Variants in PSG9 observed in about 807,000 individuals in gnomAD.
PSG9 encodes the protein pregnancy specific beta-1-glycoprotein 9.
In PSG9, 49 loss-of-function variants were observed where a neutral mutation model predicts 41.9. The observed-to-expected ratio is 1.17, with a 90% CI of 0.93 to 1.48. The LOEUF is 1.48. Ranked by LOEUF, PSG9 falls within the 40% of genes most tolerant of loss-of-function variation. The pLI is 0.00. For synonymous variants in PSG9, 263 were observed against 196.8 expected (o/e 1.34, Z -2.82); for missense variants, 641 against 520.3 (o/e 1.23, Z -2.26).
Position 43,259,007 on chromosome 19 carries a change from G to C in PSG9, c.838C>G (p.Leu280Val). 1.9e-6 allele frequency: 3 copies of C among 1,590,746 alleles called. 1 individual carries two copies. Among genetic ancestry groups the C allele is most frequent in the Non-Finnish European group, 2.6e-6 (3 of 1,174,478 alleles). The change falls in exon 4 of 6, where the codon CTC (leucine) becomes GTC (valine). Residue 280 changes from leucine to valine, a missense_variant. Leu to Val is a conservative substitution (Grantham distance 32, BLOSUM62 1). Coordinates refer to ENST00000270077, the MANE Select transcript of PSG9 (RefSeq NM_002784.5). ...CGCTTTACCCCGGGACTGACGGGGAGGCTCTGACCGTTTAGCCACCAAATG... is the reference window on the plus strand; with the variant it reads ...CGCTTTACCCCGGGACTGACGGGGACGCTCTGACCGTTTAGCCACCAAATG... ...TYIWWLNGQS[L>V]PVSPGVKRPI...
intron 2 of PSG9, among the ~76,000 whole-genome samples, chr19:43,264,788 G>T (rs760103976): frequency 6.6e-6 from 1 of 152,154 alleles, no homozygotes; most frequent in Non-Finnish European, 1.5e-5. Flanking sequence ...TGACTTTTGA[G>T]ATTGTTCAGC....
At chr19:43,262,466 G>C (rs542146910) in intron 2 of PSG9, among the ~76,000 whole-genome samples, 1 of 152,244 alleles carries the variant, frequency 6.6e-6, no homozygotes, top group East Asian at 1.9e-4. Flanking sequence ...GGCCCAACTT[G>C]TGGTCCTCAC....
intron 2 of PSG9, among the ~76,000 whole-genome samples, chr19:43,264,030 C>T (rs7247607): frequency 0.5 from 75,870 of 151,982 alleles, 21,269 homozygotes; most frequent in East Asian, 0.96. Context: ...AAATTTAAGT[C>T]TGTGTGAATC....
chr19:43,263,667 T>G (rs1442242050), intron 2 of PSG9, among the ~76,000 whole-genome samples: 1 of 152,068 alleles, frequency 6.6e-6, no homozygotes, highest in Non-Finnish European at 1.5e-5. Flanking sequence ...TCCAAACATC[T>G]AAGATCAATT....
chr19:43,266,004 A>T (rs1394439281), intron 2 of PSG9, among the ~76,000 whole-genome samples: 3 of 151,760 alleles, frequency 2.0e-5, no homozygotes, highest in African/African-American at 7.3e-5. Flanking sequence ...AGTTAGAGGG[A>T]ATGTCTGGGG....
In PSG9 at chr19:43,262,122, G is replaced by T. The variant is rs1374492189; in HGVS notation, c.447C>A (p.Pro149=). The T allele has an allele frequency of 6.2e-7, 1 of 1,613,556 alleles. No homozygotes were observed. Among genetic ancestry groups the T allele is most frequent in the African/African-American group, 1.3e-5 (1 of 74,866 alleles). ...TFTLYLETPK[P]YISSSNLNPR... ...GGTTTAAGTTGCTGCTGGAGATGTA[G>T]GGCTTGGGAGTCTCCACTGTGCAGA... Residue 149 remains proline (P), a synonymous_variant, in exon 3 of 6, where the codon CCC becomes CCA. Transcript: ENST00000270077.
Position 43,268,029 on chromosome 19 carries a change from A to G in PSG9, c.185T>C (p.Leu62Pro). ...CCCTTTGTACCAGAAGTAGCCAGGA[A>G]GATTCTGGGGCAAATTGTGGACAAG... ...LLLVHNLPQN[L>P]PGYFWYKGEM... is the part of the protein sequence containing the mutation. The change falls in exon 2 of 6, where the codon CTT becomes CCT. Residue 62 changes from leucine to proline, a missense_variant. Leu to Pro is a moderately conservative substitution (Grantham distance 98). Coordinates refer to ENST00000270077, the MANE Select transcript of PSG9 (RefSeq NM_002784.5). The G allele has an allele frequency of 6.2e-7, 1 of 1,613,910 alleles. No homozygotes were observed. Among genetic ancestry groups the G allele is most frequent in the Non-Finnish European group, 8.5e-7 (1 of 1,179,912 alleles).
At position 43,255,677 on chromosome 19, in the gene PSG9, A is replaced by G. The variant is rs530231919; in HGVS notation, c.1244-2031T>C. ...TAATGTTGCACAATACAAAATCAAC[A>G]TTCAAACATCTGTTGTATTTCAATA... On this transcript the variant is annotated intron_variant, in intron 5 of 5. Transcript: ENST00000270077. Among the ~76,000 whole-genome samples the G allele has an allele frequency of 8.5e-4, 125 of 147,212 alleles. 8 individuals are homozygous for G. The highest frequency in any genetic ancestry group is 1.4e-3 in the Non-Finnish European group (97 of 67,446).
At chr19:43,265,680 C>T (rs1414925491) in intron 2 of PSG9, among the ~76,000 whole-genome samples, 5 of 152,158 alleles carry the variant, frequency 3.3e-5, no homozygotes, top group Middle Eastern at 3.4e-3. Flanking sequence ...AATCTTTCTC[C>T]GACTACAGAC....
intron 2 of PSG9, among the ~76,000 whole-genome samples, chr19:43,265,960 A>T (rs1235997971): frequency 6.6e-6 from 1 of 152,052 alleles, no homozygotes; most frequent in Admixed American, 6.5e-5. Flanking sequence ...GCCAGGCCAC[A>T]GTGTTAGTAG....
intron 1 of PSG9, 88 bp from the exon 2 acceptor site, chr19:43,268,237 C>T (rs4803592): frequency 0.43 from 623,205 of 1,453,946 alleles, 149,415 homozygotes; most frequent in East Asian, 0.97. Flanking sequence ...AGGTCTCTTC[C>T]ATCCTCAGCC....
chr19:43,267,385 G>C lies in PSG9; in HGVS notation c.430+399C>G, dbSNP rs766036336. ...TAACTGGAGCAAGGATTTAGGGACA[G>C]GGGTCTGGGGTTGAGGCTTCTAGGG... On this transcript the variant is annotated intron_variant, in intron 2 of 5. Coordinates refer to ENST00000270077, the MANE Select transcript of PSG9 (RefSeq NM_002784.5). 3.9e-5 allele frequency among the ~76,000 whole-genome samples: 6 copies of C among 152,134 alleles called. 1 individual carries two copies. Among genetic ancestry groups the C allele is most frequent in the Non-Finnish European group, 8.8e-5 (6 of 68,008 alleles).
At position 43,253,615 on chromosome 19, in the gene PSG9, C is replaced by T. The variant is rs747813231; in HGVS notation, c.1275G>A (p.Gln425=). 1 of 899,608 alleles carries T rather than the reference C, an allele frequency of 1.1e-6. No homozygotes were observed. Among genetic ancestry groups the T allele is most frequent in the African/African-American group, 1.8e-5 (1 of 56,444 alleles). 55.7% of individuals were successfully genotyped at this position (899,608 alleles called of 1,614,324 possible). The stretch of plus-strand genomic sequence containing the variant: ...AGTGTCTCAGTTGTTGCAGTCATGA[C>T]TGAGACTCTGTCAGGTCTCCATGGC... ...GPCHGDLTES[Q]S Residue 425 remains glutamine, a synonymous_variant, in exon 6 of 6, where the codon CAG becomes CAA. Transcript: ENST00000270077.
intron 3 of PSG9, among the ~76,000 whole-genome samples, chr19:43,261,650 A>G (rs1446309424): frequency 6.6e-6 from 1 of 152,106 alleles, no homozygotes; most frequent in Non-Finnish European, 1.5e-5. Context: ...GTGGACCCAG[A>G]GTCTCCCATG....
rs1235394997 is a variant in PSG9 at position 43,267,839 on chromosome 19, T to C, written c.375A>G (p.Ile125Met). The change falls in exon 2 of 6, where the codon ATA (isoleucine) becomes ATG (methionine). Residue 125 changes from isoleucine to methionine, a missense_variant. Physicochemically the swap from Ile to Met is conservative, Grantham distance 10 (BLOSUM62 1). Transcript: ENST00000270077. The part of the protein sequence containing the change: ...KDAGTYTLHI[I>M]KRGDETREEI... ...CTTCTCTAGTCTCATCACCTCGCTT[T>C]ATGATGTGTAAGGTGTAGGTTCCTG... is the stretch of plus-strand genomic sequence containing the variant. 9 of 1,613,690 alleles carry C rather than the reference T, an allele frequency of 5.6e-6. No individual in the cohort carries two copies. The highest frequency in any genetic ancestry group is 7.6e-6 in the Non-Finnish European group (9 of 1,179,712).
chr19:43,268,195 G>A (rs556361927), intron 1 of PSG9, 46 bp from the exon 2 acceptor site: 3 of 1,535,470 alleles, frequency 2.0e-6, no homozygotes, highest in Non-Finnish European at 1.8e-6. Context: ...CCTATGTATT[G>A]TGGTGAAAAG....
In PSG9 at chr19:43,258,894, A is replaced by G. The variant is rs574656907; in HGVS notation, c.951T>C (p.Gly317=). ...PYQCEIRDRY[G]GLRSNPVILN... ...GGATGACTGGGTTACTGCGGAGGCCACCATATCGGTCCCGTATTTCACATT... is the reference window on the plus strand; with the variant it reads ...GGATGACTGGGTTACTGCGGAGGCCGCCATATCGGTCCCGTATTTCACATT... Residue 317 remains glycine, a synonymous_variant, in exon 4 of 6, where the codon GGT becomes GGC. Coordinates refer to ENST00000270077, the MANE Select transcript of PSG9 (RefSeq NM_002784.5). 4.4e-6 allele frequency: 7 copies of G among 1,587,518 alleles called. No homozygotes were observed. The highest frequency in any genetic ancestry group is 1.7e-5 in the Admixed American group (1 of 58,468).
chr19:43,259,200 C>T (rs1222729966), intron 3 of PSG9, 65 bp from the exon 4 acceptor site: 2 of 1,556,256 alleles, frequency 1.3e-6, no homozygotes, highest in Non-Finnish European at 1.7e-6. Flanking sequence ...AGGCATACTT[C>T]AATCAGAGTT....
At chr19:43,257,533 A>T in intron 5 of PSG9, 8 of 978,774 alleles carry the variant, frequency 8.2e-6, no homozygotes, top group Non-Finnish European at 9.7e-6. Flanking sequence ...GCCAGGACGC[A>T]GCTCAGGAGT....
Sources: gnomAD v4.1 joint callset for allele counts (sites outside exome capture counted in the v4.1 genomes callset) on GRCh38, gnomAD v4.1.1 for gene constraint, MANE v1.5 for transcripts, NCBI Gene and HGNC (gene_info 2026-07-23, HGNC 2026-07-21) for gene names.